USP34: variants seen among roughly 807,000 people sequenced by gnomAD.
USP34 encodes the protein ubiquitin specific peptidase 34.
In USP34, 70 loss-of-function variants were observed where a neutral mutation model predicts 460.3. The ratio of observed to expected loss-of-function variants is 0.15; its 90% CI spans 0.13 to 0.19. USP34 has a LOEUF of 0.19. Among genes scored for constraint, USP34 ranks in the 10% least tolerant of loss-of-function variants. The probability of loss-of-function intolerance (pLI) is 1.00; values close to 1 mark genes in which losing one functional copy is unlikely to be tolerated. For missense variants in USP34, 3,985 were observed against 4,236.2 expected (o/e 0.94, Z 1.65); for synonymous variants, 1,647 against 1,405.3 (o/e 1.17, Z -3.85).
intron 1 of USP34, among the ~76,000 whole-genome samples, chr2:61,465,330 A>T (rs981267102): frequency 6.6e-5 from 10 of 152,334 alleles, no homozygotes; most frequent in African/African-American, 2.4e-4. Context: ...GAAAGTTTAC[A>T]GCTTCAGATT....
intron 10 of USP34, among the ~76,000 whole-genome samples, chr2:61,361,797 A>G (rs1692282414): frequency 6.6e-6 from 1 of 152,324 alleles, no homozygotes; most frequent in African/African-American, 2.4e-5. Flanking sequence ...AGGCAACATA[A>G]GCCAAAATAT....
chr2:61,316,301 C>G (rs1286336101), intron 23 of USP34, among the ~76,000 whole-genome samples: 1 of 152,020 alleles, frequency 6.6e-6, no homozygotes, highest in East Asian at 1.9e-4. Context: ...TAAAATTATT[C>G]TGGCCAGCCG....
At chr2:61,458,814 T>C (rs1695513416) in intron 1 of USP34, among the ~76,000 whole-genome samples, 2 of 152,088 alleles carry the variant, frequency 1.3e-5, no homozygotes, top group South Asian at 4.1e-4. Flanking sequence ...ACGCCTGTAA[T>C]CCCAGCACTT....
intron 34 of USP34, among the ~76,000 whole-genome samples, chr2:61,285,594 G>A (rs1197660149): frequency 6.6e-6 from 1 of 151,978 alleles, no homozygotes; most frequent in Non-Finnish European, 1.5e-5. Context: ...TAGATTCTCT[G>A]CATACCACTG....
At chr2:61,252,397 G>C (rs1277096023) in intron 48 of USP34, among the ~76,000 whole-genome samples, 6 of 85,638 alleles carry the variant, frequency 7.0e-5, no homozygotes, top group Non-Finnish European at 1.6e-4. Flanking sequence ...AATAGCAGCA[G>C]CAGCAGCAGC....
chr2:61,302,153 C>A (rs1239806045), intron 27 of USP34, among the ~76,000 whole-genome samples: 2 of 151,964 alleles, frequency 1.3e-5, no homozygotes, highest in African/African-American at 4.8e-5. Context: ...ATGATTAGAG[C>A]AGGAAAATTA....
intron 61 of USP34, among the ~76,000 whole-genome samples, chr2:61,227,438 G>T (rs1448237228): frequency 1.3e-5 from 2 of 152,202 alleles, no homozygotes; most frequent in African/African-American, 4.8e-5. Context: ...TTCTCTGCCG[G>T]GCATGGTGGC....
intron 8 of USP34, among the ~76,000 whole-genome samples, chr2:61,375,298 G>T (rs148412424): frequency 2.6e-5 from 4 of 152,150 alleles, no homozygotes; most frequent in Admixed American, 6.5e-5. Flanking sequence ...TGCTAGTGGG[G>T]ATGTAAAATA....
chr2:61,451,555 G>A lies in USP34; in HGVS notation c.43+19095C>T, dbSNP rs530459708. Among the ~76,000 whole-genome samples, 6 of 151,960 alleles carry A rather than the reference G, an allele frequency of 3.9e-5. No homozygotes were observed. In the East Asian group the frequency reaches 1.2e-3, roughly 30 times the overall value. ...AACTTAACCGGGCATGGTGGCACAT[G>A]CCTGCAATCCCAGCTACTCGGAAGG... On this transcript the variant is annotated intron_variant, in intron 1 of 79. Transcript: ENST00000398571.
chr2:61,246,365 G>T lies in USP34; in HGVS notation c.6507C>A (p.Ile2169=). The T allele has an allele frequency of 1.9e-6, 3 of 1,600,314 alleles. No homozygotes were observed. The highest frequency in any genetic ancestry group is 2.6e-6 in the Non-Finnish European group (3 of 1,173,344). ...TADGGHYYSF[I]RDIVNPHAYK... Reference sequence around the variant, plus strand: ...AAGCATGGGGATTTACTATATCTCTGATAAAGCTATAATAGTGTCCACCAT... The same window carrying T: ...AAGCATGGGGATTTACTATATCTCTTATAAAGCTATAATAGTGTCCACCAT... Residue 2169 remains isoleucine (I), a synonymous_variant, in exon 50 of 80, where the codon ATC becomes ATA. Transcript: ENST00000398571.
At chr2:61,227,291 T>C in intron 61 of USP34, 73 bp from the exon 62 acceptor site, 1 of 1,508,256 alleles carries the variant, frequency 6.6e-7, no homozygotes, top group Non-Finnish European at 9.0e-7. Context: ...TGACTTGTTT[T>C]ATGTAACAGT....
At chr2:61,210,671 C>G (rs1687249802) in intron 69 of USP34, among the ~76,000 whole-genome samples, 1 of 152,188 alleles carries the variant, frequency 6.6e-6, no homozygotes, top group Non-Finnish European at 1.5e-5. Flanking sequence ...GGAAATCCTT[C>G]TACTTTATTC....
At chr2:61,400,531 T>C (rs757174889) in intron 3 of USP34, among the ~76,000 whole-genome samples, 3 of 152,162 alleles carry the variant, frequency 2.0e-5, no homozygotes, top group Non-Finnish European at 2.9e-5. Context: ...GTAGTGATAA[T>C]TGTACAACGT....
chr2:61,375,344 A>G (rs1259379140), intron 8 of USP34, among the ~76,000 whole-genome samples: 4 of 152,348 alleles, frequency 2.6e-5, no homozygotes, highest in South Asian at 2.1e-4. Flanking sequence ...GACAGCTCCA[A>G]TGAAAGTTAA....
intron 5 of USP34, among the ~76,000 whole-genome samples, chr2:61,387,928 T>TACAC (rs36116916): frequency 0.033 from 4,664 of 142,548 alleles, 111 homozygotes; most frequent in African/African-American, 0.059. Context: ...AATATATTTA[T>TACAC]ACACACACAC....
Position 61,461,448 on chromosome 2 carries a change from A to C in USP34, c.43+9202T>G, listed in dbSNP as rs550037355. On this transcript the variant is annotated intron_variant, in intron 1 of 79. Coordinates refer to ENST00000398571, the MANE Select transcript of USP34 (RefSeq NM_014709.4). Reference sequence around the variant, plus strand: ...TGAAATCTGAAATACAGAAAAAAAAACATACAATTCATTAAATAACAAAAA... The same window carrying C: ...TGAAATCTGAAATACAGAAAAAAAACCATACAATTCATTAAATAACAAAAA... 1.5e-4 allele frequency among the ~76,000 whole-genome samples: 23 copies of C among 152,128 alleles called. No individual in the cohort carries two copies. In the South Asian group the frequency reaches 4.8e-3, roughly 31 times the overall value.
chr2:61,348,577 G>A, intron 14 of USP34, 97 bp from the exon 15 acceptor site: 13 of 1,477,558 alleles, frequency 8.8e-6, no homozygotes, highest in Non-Finnish European at 1.2e-5. Context: ...AAGGCTGCCA[G>A]TCTTGTTATA....
intron 1 of USP34, among the ~76,000 whole-genome samples, chr2:61,438,760 T>C (rs1020630343): frequency 6.6e-6 from 1 of 152,214 alleles, no homozygotes; most frequent in Admixed American, 6.5e-5. Flanking sequence ...TAACTGTACC[T>C]GGACAAGGAT....
At chr2:61,448,588 G>C (rs1460847486) in intron 1 of USP34, among the ~76,000 whole-genome samples, 1 of 152,136 alleles carries the variant, frequency 6.6e-6, no homozygotes, top group South Asian at 2.1e-4. Flanking sequence ...TTTTAATAAT[G>C]AGTATATGAA....
Sources: gnomAD v4.1 joint callset for allele counts (sites outside exome capture counted in the v4.1 genomes callset) on GRCh38, gnomAD v4.1.1 for gene constraint, MANE v1.5 for transcripts, NCBI Gene and HGNC (gene_info 2026-07-23, HGNC 2026-07-21) for gene names.